Variants in MYZAP observed in about 807,000 individuals in gnomAD.
The protein encoded by MYZAP is GRINL1A complex locus upstream.
In MYZAP, 66 loss-of-function variants were observed where a neutral mutation model predicts 69.4. That is an observed-to-expected ratio of 0.95 (90% CI 0.78 to 1.17). MYZAP has a LOEUF of 1.17. Among genes scored for constraint, MYZAP ranks in the 50% most tolerant of loss-of-function variants. MYZAP has a pLI of 0.00. For missense variants in MYZAP, 611 were observed against 556.2 expected, an observed-to-expected ratio of 1.10 and a Z score of -0.99; for synonymous variants, 256 against 205.9, an observed-to-expected ratio of 1.24 and a Z score of -2.09.
chr15:57,676,752 G>A (rs1409727280), intron 12 of MYZAP, among the ~76,000 whole-genome samples: 1 of 152,006 alleles, frequency 6.6e-6, no homozygotes, highest in Admixed American at 6.6e-5. Flanking sequence ...TTTTCAATTT[G>A]TATGCCCAAG....
chr15:57,659,391 A>C (rs1018857803), intron 10 of MYZAP, among the ~76,000 whole-genome samples: 1 of 152,198 alleles, frequency 6.6e-6, no homozygotes, highest in Non-Finnish European at 1.5e-5. Flanking sequence ...GTAGAGATAC[A>C]TATTTTACAA....
At position 57,632,276 on chromosome 15, in the gene MYZAP, C is replaced by G. The variant is rs143889398; in HGVS notation, c.679-158C>G. On this transcript the variant is annotated intron_variant, in intron 6 of 12. Transcript: ENST00000267853. ...TTCTGTGGCTCTGCTCACCCCTCTTCCTCCCTTTCCCTGTTAGGTCTTGCT... is the reference window on the plus strand; with the variant it reads ...TTCTGTGGCTCTGCTCACCCCTCTTGCTCCCTTTCCCTGTTAGGTCTTGCT... 1.9e-3 allele frequency among the ~76,000 whole-genome samples: 285 copies of G among 152,326 alleles called. 2 individuals carry two copies. The highest frequency in any genetic ancestry group is 6.5e-3 in the African/African-American group (271 of 41,560).
chr15:57,636,858 G>T (rs1258025959), intron 8 of MYZAP, among the ~76,000 whole-genome samples: 1 of 152,156 alleles, frequency 6.6e-6, no homozygotes, highest in African/African-American at 2.4e-5. Context: ...CAAGGTTAGT[G>T]GCTTAAAACA....
chr15:57,656,640 C>G (rs947753331), intron 10 of MYZAP, among the ~76,000 whole-genome samples: 6 of 152,158 alleles, frequency 3.9e-5, no homozygotes, highest in African/African-American at 1.4e-4. Context: ...TTCTTCGGGG[C>G]AGACCACTGG....
At chr15:57,618,269 G>T in intron 3 of MYZAP, 81 bp downstream of exon 3, 1 of 1,532,298 alleles carries the variant, frequency 6.5e-7, no homozygotes, top group African/African-American at 1.4e-5. Flanking sequence ...GCATTGAAGT[G>T]AATGTAATAA....
At chr15:57,669,072 G>T (rs2038746493) in intron 11 of MYZAP, among the ~76,000 whole-genome samples, 1 of 151,792 alleles carries the variant, frequency 6.6e-6, no homozygotes. Flanking sequence ...TGTATTTTTA[G>T]TAGAGATGGT....
chr15:57,677,134 T>C (rs1215543283), intron 12 of MYZAP, among the ~76,000 whole-genome samples: 1 of 152,232 alleles, frequency 6.6e-6, no homozygotes, highest in African/African-American at 2.4e-5. Flanking sequence ...CCACCTGCGC[T>C]TCTTGGAACT....
chr15:57,661,602 C>G (rs2038311174), intron 11 of MYZAP, 69 bp downstream of exon 11: 2 of 1,318,480 alleles, frequency 1.5e-6, no homozygotes, highest in Non-Finnish European at 2.1e-6. Context: ...AAGCCTACCA[C>G]CGACACTTAA....
intron 11 of MYZAP, among the ~76,000 whole-genome samples, chr15:57,670,001 T>G (rs745981675): frequency 1.2e-4 from 18 of 152,172 alleles, no homozygotes; most frequent in Middle Eastern, 3.2e-3. Flanking sequence ...ACAGCTTGTA[T>G]GGTTTTAACT....
In MYZAP at chr15:57,603,113, G is replaced by A. The variant is rs117789921; in HGVS notation, c.76-1156G>A. On this transcript the variant is annotated intron_variant, in intron 1 of 12. Transcript: ENST00000267853. Reference sequence around the variant, plus strand: ...AAAAATCATTTAGGAACCTTTATCCGATATTTCAGTGAAATTTTTTGGCAG... The same window carrying A: ...AAAAATCATTTAGGAACCTTTATCCAATATTTCAGTGAAATTTTTTGGCAG... 7.8e-3 allele frequency among the ~76,000 whole-genome samples: 1,194 copies of A among 152,208 alleles called. 11 individuals are homozygous for A. The highest frequency in any genetic ancestry group is 0.042 in the South Asian group (201 of 4,824).
chr15:57,627,699 T>C (rs897301530), intron 5 of MYZAP, among the ~76,000 whole-genome samples: 6 of 152,108 alleles, frequency 3.9e-5, no homozygotes, highest in Non-Finnish European at 7.4e-5. Flanking sequence ...GATCTCAGTT[T>C]TATGAATAGA....
In MYZAP at chr15:57,621,623, G is replaced by A; in HGVS notation, c.334G>A (p.Glu112Lys). ...NYIKDVRATL[E>K]KVRKRMYGDY... ...TGGGCTACAGGTGAGAGCCACTTTG[G>A]AAAAGGTGAGAAAGCGAATGTATGG... Residue 112 changes from glutamate (E) to lysine (K), a missense_variant, in exon 4 of 13, where the codon GAA becomes AAA. Physicochemically the swap from Glu to Lys is moderately conservative, Grantham distance 56 (BLOSUM62 1). Coordinates refer to ENST00000267853, the MANE Select transcript of MYZAP (RefSeq NM_001018100.5). 1 of 1,613,692 alleles carries A rather than the reference G, an allele frequency of 6.2e-7. No homozygotes were observed. The highest frequency in any genetic ancestry group is 8.5e-7 in the Non-Finnish European group (1 of 1,179,744).
intron 10 of MYZAP, chr15:57,647,741 C>T: frequency 1.0e-6 from 1 of 985,424 alleles, no homozygotes; most frequent in Non-Finnish European, 1.2e-6. Context: ...CTGCACTTGG[C>T]CCTGGCCCTG....
chr15:57,609,584 T>C (rs1236456680), intron 2 of MYZAP, among the ~76,000 whole-genome samples: 1 of 152,216 alleles, frequency 6.6e-6, no homozygotes, highest in African/African-American at 2.4e-5. Context: ...TACTGGAGGT[T>C]AGGACTCCAG....
chr15:57,653,320 A>G (rs2037820245), intron 10 of MYZAP, among the ~76,000 whole-genome samples: 1 of 152,208 alleles, frequency 6.6e-6, no homozygotes, highest in African/African-American at 2.4e-5. Context: ...ACAATTTCGC[A>G]AGGAAACAGC....
chr15:57,612,377 G>A (rs188903209), intron 2 of MYZAP, among the ~76,000 whole-genome samples: 6 of 152,292 alleles, frequency 3.9e-5, no homozygotes, highest in Admixed American at 3.9e-4. Flanking sequence ...ATGTTGAGCT[G>A]CATTTCTGCT....
At chr15:57,611,552 G>A (rs978423121) in intron 2 of MYZAP, among the ~76,000 whole-genome samples, 19 of 152,104 alleles carry the variant, frequency 1.2e-4, no homozygotes, top group African/African-American at 2.4e-4. Flanking sequence ...GTGCACTAGC[G>A]GTACGCTAGC....
intron 10 of MYZAP, among the ~76,000 whole-genome samples, chr15:57,652,668 G>A (rs2140511654): frequency 6.6e-6 from 1 of 152,280 alleles, no homozygotes; most frequent in Admixed American, 6.5e-5. Context: ...GGGATCAAGA[G>A]GCTGGGTTAA....
intron 2 of MYZAP, among the ~76,000 whole-genome samples, chr15:57,609,625 A>C (rs1179065122): frequency 1.3e-5 from 2 of 152,236 alleles, no homozygotes; most frequent in East Asian, 3.8e-4. Context: ...TCTTCAACCC[A>C]TAACAGGTTC....
Sources: gnomAD v4.1 joint callset for allele counts (sites outside exome capture counted in the v4.1 genomes callset) on GRCh38, gnomAD v4.1.1 for gene constraint, MANE v1.5 for transcripts, NCBI Gene and HGNC (gene_info 2026-07-23, HGNC 2026-07-21) for gene names.